The following ATP6V1H variants were observed in gnomAD, a reference collection of about 807,000 sequenced individuals.
The protein encoded by ATP6V1H is V-type proton ATPase subunit H.
Under a neutral mutation model 71.7 loss-of-function variants are expected in ATP6V1H, and 39 were observed. That is an observed-to-expected ratio of 0.54 (90% CI 0.42 to 0.71). ATP6V1H has a LOEUF of 0.71. ATP6V1H is among the 30% of genes least tolerant of loss of function. The probability of loss-of-function intolerance (pLI) is 0.00; values close to 1 mark genes in which losing one functional copy is unlikely to be tolerated. For synonymous variants in ATP6V1H, 192 were observed against 199.3 expected, an observed-to-expected ratio of 0.96 and a Z score of 0.31; for missense variants, 509 against 594.9, an observed-to-expected ratio of 0.86 and a Z score of 1.50.
chr8:53,809,214 A>AC (rs754663795), intron 7 of ATP6V1H, among the ~76,000 whole-genome samples: 13 of 152,214 alleles, frequency 8.5e-5, no homozygotes, highest in Non-Finnish European at 1.8e-4. Flanking sequence ...GATATGACCT[A>AC]CATTGAACAG....
intron 4 of ATP6V1H, among the ~76,000 whole-genome samples, chr8:53,820,029 C>T (rs1445007295): frequency 6.6e-6 from 1 of 151,718 alleles, no homozygotes; most frequent in Non-Finnish European, 1.5e-5. Context: ...AAAGAAACAC[C>T]AAATCCCAAC....
At chr8:53,825,903 T>C (rs758988525) in intron 4 of ATP6V1H, among the ~76,000 whole-genome samples, 5 of 151,950 alleles carry the variant, frequency 3.3e-5, no homozygotes, top group Non-Finnish European at 7.4e-5. Context: ...AATTAGACTA[T>C]ATAAAAAATA....
intron 4 of ATP6V1H, among the ~76,000 whole-genome samples, chr8:53,820,373 G>A (rs1221030611): frequency 6.6e-6 from 1 of 151,478 alleles, no homozygotes; most frequent in East Asian, 1.9e-4. Flanking sequence ...GAAACTTTAG[G>A]GTTCTGCAAG....
At chr8:53,810,657 T>C (rs1028769396) in intron 7 of ATP6V1H, among the ~76,000 whole-genome samples, 7 of 152,102 alleles carry the variant, frequency 4.6e-5, no homozygotes, top group South Asian at 2.1e-4. Context: ...GGAGAATTAA[T>C]TGAACCTGGG....
intron 8 of ATP6V1H, among the ~76,000 whole-genome samples, chr8:53,798,950 T>C (rs1013842116): frequency 2.6e-5 from 4 of 152,164 alleles, no homozygotes; most frequent in Non-Finnish European, 5.9e-5. Flanking sequence ...ACAGCAGCAT[T>C]TGTTGTACTC....
At chr8:53,821,859 AAAC>A (rs1238289514) in intron 4 of ATP6V1H, among the ~76,000 whole-genome samples, 2 of 152,224 alleles carry the variant, frequency 1.3e-5, no homozygotes, top group Non-Finnish European at 2.9e-5. Context: ...TCTCCCAAGA[AAAC>A]AACTGCAAAA....
In ATP6V1H at chr8:53,772,134, G is replaced by A. The variant is rs749795497; in HGVS notation, c.904C>T (p.Arg302Cys). The A allele has an allele frequency of 1.2e-5, 19 of 1,612,816 alleles. No homozygotes were observed. Among genetic ancestry groups the A allele is most frequent in the Admixed American group, 1.0e-4 (6 of 59,782 alleles). Reference sequence around the variant, plus strand: ...ATCATAGCCAGGGCATATTCTTGGCGAGTTTCTCTTTCAGTTGATTTTTCT... The same window carrying A: ...ATCATAGCCAGGGCATATTCTTGGCAAGTTTCTCTTTCAGTTGATTTTTCT... ...FLEKSTERETRQEYALAMIQC... is the reference protein window; with the variant it reads ...FLEKSTERETCQEYALAMIQC... Residue 302 changes from arginine (R) to cysteine (C), a missense_variant, in exon 10 of 14, where the codon CGC becomes TGC. By Grantham distance (180) the Arg-to-Cys change is radical (BLOSUM62 -3). Transcript: ENST00000359530.
chr8:53,782,774 G>T (rs1222281209), intron 9 of ATP6V1H, among the ~76,000 whole-genome samples: 2 of 152,250 alleles, frequency 1.3e-5, no homozygotes, highest in South Asian at 2.1e-4. Context: ...TTTGTCAAAG[G>T]CCTTTTCTGC....
rs569259458 is a variant in ATP6V1H at position 53,830,285 on chromosome 8, G to A, written c.217-752C>T. Among the ~76,000 whole-genome samples, 49 of 152,310 alleles carry A rather than the reference G, an allele frequency of 3.2e-4. 1 individual carries two copies. Among genetic ancestry groups the A allele is most frequent in the South Asian group, 1.2e-3 (6 of 4,828 alleles). ...TGAAAAACTTCCCCACCTTAAGGAT[G>A]TATAAATTAAAGTGTATTTCACTTG... On this transcript the variant is annotated intron_variant, in intron 3 of 13. Coordinates refer to ENST00000359530, the MANE Select transcript of ATP6V1H (RefSeq NM_015941.4).
At chr8:53,732,891 G>T (rs1421664875) in intron 13 of ATP6V1H, among the ~76,000 whole-genome samples, 1 of 152,082 alleles carries the variant, frequency 6.6e-6, no homozygotes, top group Non-Finnish European at 1.5e-5. Flanking sequence ...CAAAGGGGAG[G>T]ATCAGAGCCG....
chr8:53,750,593 A>T (rs980334400), intron 12 of ATP6V1H, among the ~76,000 whole-genome samples: 4 of 152,320 alleles, frequency 2.6e-5, no homozygotes, highest in Non-Finnish European at 5.9e-5. Context: ...GACCAGCAAA[A>T]CATTTACTTG....
chr8:53,758,481 T>C (rs1808149900), intron 11 of ATP6V1H, among the ~76,000 whole-genome samples: 1 of 152,208 alleles, frequency 6.6e-6, no homozygotes, highest in African/African-American at 2.4e-5. Flanking sequence ...GAATTTGTGA[T>C]ACAAAGATCA....
intron 9 of ATP6V1H, among the ~76,000 whole-genome samples, chr8:53,787,957 T>G (rs1245108717): frequency 2.0e-5 from 3 of 152,200 alleles, no homozygotes; most frequent in Admixed American, 6.5e-5. Context: ...AAAAAAAAAT[T>G]TCCCTGAGTT....
At chr8:53,793,491 T>C (rs190281846) in intron 9 of ATP6V1H, among the ~76,000 whole-genome samples, 355 of 152,132 alleles carry the variant, frequency 2.3e-3, no homozygotes, top group Non-Finnish European at 3.7e-3. Context: ...ATTTTATTTT[T>C]TAAATTAGCC....
intron 9 of ATP6V1H, among the ~76,000 whole-genome samples, chr8:53,786,975 A>G (rs901935962): frequency 1.3e-4 from 20 of 152,374 alleles, no homozygotes; most frequent in Admixed American, 7.2e-4. Context: ...TATGAAACAC[A>G]GTAAGAATGA....
chr8:53,841,822 TC>T, intron 1 of ATP6V1H, 97 bp from the exon 2 acceptor site: 1 of 1,114,118 alleles, frequency 9.0e-7, no homozygotes, highest in Non-Finnish European at 1.2e-6. Context: ...CACTTTAATC[TC>T]CCCAGGCATT....
intron 13 of ATP6V1H, among the ~76,000 whole-genome samples, chr8:53,719,351 A>G (rs1415787143): frequency 6.6e-6 from 1 of 151,956 alleles, no homozygotes; most frequent in Admixed American, 6.6e-5. Flanking sequence ...TTGTATTTTC[A>G]GTAGAGATGG....
chr8:53,801,576 A>T (rs1335820616), intron 8 of ATP6V1H, among the ~76,000 whole-genome samples: 1 of 152,216 alleles, frequency 6.6e-6, no homozygotes, highest in African/African-American at 2.4e-5. Context: ...CTTGTTAAGC[A>T]TTAGGTTCTT....
chr8:53,812,216 G>C (rs1164502717), intron 6 of ATP6V1H, among the ~76,000 whole-genome samples: 1 of 152,084 alleles, frequency 6.6e-6, no homozygotes, highest in African/African-American at 2.4e-5. Flanking sequence ...GCAAGGCCAG[G>C]CTAAGCCTGG....
Sources: allele counts gnomAD v4.1 joint callset (sites outside exome capture counted in the v4.1 genomes callset), GRCh38; gene constraint gnomAD v4.1.1; transcripts MANE v1.5; gene names NCBI Gene and HGNC (gene_info 2026-07-23, HGNC 2026-07-21).